Variants in MTMR9 observed in about 807,000 individuals in gnomAD.
MTMR9 encodes the protein myotubularin related protein 9, also known as myotubularin-related protein 9.
Under a neutral mutation model 69.5 loss-of-function variants are expected in MTMR9, and 39 were observed. The ratio of observed to expected loss-of-function variants is 0.56; its 90% CI spans 0.43 to 0.73. The LOEUF is 0.73. MTMR9 is among the 30% of genes least tolerant of loss of function. The probability of loss-of-function intolerance (pLI) is 0.00; values close to 1 mark genes in which losing one functional copy is unlikely to be tolerated. For synonymous variants in MTMR9, 354 were observed against 240.8 expected, an observed-to-expected ratio of 1.47 and a Z score of -4.35; for missense variants, 900 against 671.2, an observed-to-expected ratio of 1.34 and a Z score of -3.77.
At position 11,298,727 on chromosome 8, in the gene MTMR9, C is replaced by CG; in HGVS notation, c.292-1296_292-1295insG. On this transcript the variant is annotated intron_variant, in intron 2 of 9. Coordinates refer to ENST00000221086, the MANE Select transcript of MTMR9 (RefSeq NM_015458.4). ...GTATCCTTTCCCCGCTGCACCCCCC[C>CG]CCCGCCATCCAGTATAGAAATACTT... 7 of 920,464 alleles carry CG rather than the reference C, an allele frequency of 7.6e-6. No homozygotes were observed. The South Asian group carries it at 2.6e-4, about 34-fold the overall frequency. 57.0% of individuals were successfully genotyped at this position (920,464 alleles called of 1,614,324 possible).
chr8:11,334,565 ATAAAC>A, the MTMR9 span, among the ~76,000 whole-genome samples: 1 of 152,072 alleles, frequency 6.6e-6, no homozygotes, highest in Non-Finnish European at 1.5e-5. Context: ...CCAAAAATAA[ATAAAC>A]TAAGCACAAA....
chr8:11,285,032 G>A lies in MTMR9; in HGVS notation c.144G>A (p.Leu48=). 1 of 1,612,114 alleles carries A rather than the reference G, an allele frequency of 6.2e-7. No homozygotes were observed. Among genetic ancestry groups the A allele is most frequent in the African/African-American group, 1.3e-5 (1 of 74,950 alleles). Residue 48 remains leucine (L), a synonymous_variant, in exon 1 of 10, where the codon CTG becomes CTA. Transcript: ENST00000221086. ...CCCGGCAGGACAATACGGAGGAGCT[G>A]TGGCTCCTCCATTCAAACATCGACG... ...LSSRQDNTEE[L]WLLHSNIDAI...
chr8:11,332,738 A>G (rs1190817485), downstream of MTMR9, among the ~76,000 whole-genome samples: 1 of 152,114 alleles, frequency 6.6e-6, no homozygotes, highest in Non-Finnish European at 1.5e-5. Context: ...AGTAGCTGAG[A>G]TTACAGGTGC....
chr8:11,321,247 T>C (rs1044278793), intron 9 of MTMR9: 2 of 351,664 alleles, frequency 5.7e-6, no homozygotes, highest in Non-Finnish European at 1.1e-5. Flanking sequence ...AGTGCTTTGA[T>C]TTGTGAAGGG....
At chr8:11,321,176 C>G (rs932551311) in intron 9 of MTMR9, 6 of 270,076 alleles carry the variant, frequency 2.2e-5, no homozygotes, top group Admixed American at 4.4e-5. Flanking sequence ...TTGAAGTGTC[C>G]CCTAGTTAGC....
At chr8:11,307,551 A>G (rs1397863685) in intron 5 of MTMR9, among the ~76,000 whole-genome samples, 1 of 152,194 alleles carries the variant, frequency 6.6e-6, no homozygotes, top group Non-Finnish European at 1.5e-5. Context: ...CCGATATTCA[A>G]AATATTTACC....
Position 11,284,942 on chromosome 8 carries a change from C to G in MTMR9, c.54C>G (p.His18Gln), listed in dbSNP as rs771468577. The G allele has an allele frequency of 2.5e-6, 4 of 1,613,818 alleles. No homozygotes were observed. Among genetic ancestry groups the G allele is most frequent in the African/African-American group, 1.3e-5 (1 of 74,928 alleles). ...KTPRVDNVVLHRPFYPAVEGT... is the reference protein window; with the variant it reads ...KTPRVDNVVLQRPFYPAVEGT... Reference sequence around the variant, plus strand: ...CGCGGGTGGACAATGTGGTGCTGCACCGGCCTTTCTACCCGGCTGTCGAGG... The same window carrying G: ...CGCGGGTGGACAATGTGGTGCTGCAGCGGCCTTTCTACCCGGCTGTCGAGG... Residue 18 changes from histidine (H) to glutamine (Q), a missense_variant, in exon 1 of 10, where the codon CAC becomes CAG. Transcript: ENST00000221086.
In MTMR9 at chr8:11,309,638, C is replaced by A; in HGVS notation, c.921C>A (p.His307Gln). The change falls in exon 6 of 10, where the codon CAC becomes CAA. Residue 307 changes from histidine to glutamine, a missense_variant. By Grantham distance (24) the His-to-Gln change is conservative. Coordinates refer to ENST00000221086, the MANE Select transcript of MTMR9 (RefSeq NM_015458.4). ...SKLEASNWLT[H>Q]IKEILTTACL... ...TGGAGGCCTCTAACTGGCTGACTCA[C>A]ATCAAAGAGATTCTGACAACTGCCT... The A allele has an allele frequency of 1.2e-6, 2 of 1,613,996 alleles. No individual in the cohort carries two copies. The highest frequency in any genetic ancestry group is 2.7e-5 in the African/African-American group (2 of 75,048).
intron 3 of MTMR9, among the ~76,000 whole-genome samples, chr8:11,302,421 AT>A (rs577612803): frequency 1.0e-3 from 159 of 152,248 alleles, no homozygotes; most frequent in African/African-American, 3.7e-3. Flanking sequence ...TAATAAAAAA[AT>A]CTTTAGACAT....
the MTMR9 span, among the ~76,000 whole-genome samples, chr8:11,337,713 G>A: frequency 6.6e-6 from 1 of 152,228 alleles, no homozygotes; most frequent in African/African-American, 2.4e-5. Flanking sequence ...CATGATCCTT[G>A]AGAAAATAAA....
At chr8:11,311,727 G>T (rs540093151) in intron 6 of MTMR9, among the ~76,000 whole-genome samples, 2 of 152,120 alleles carry the variant, frequency 1.3e-5, no homozygotes, top group Non-Finnish European at 1.5e-5. Flanking sequence ...GAAGATTGCC[G>T]CATCAATTGA....
intron 2 of MTMR9, 94 bp downstream of exon 2, chr8:11,295,396 T>G (rs1224669963): frequency 5.1e-6 from 4 of 785,382 alleles, no homozygotes; most frequent in Non-Finnish European, 6.5e-6. Flanking sequence ...TTTAGTCATG[T>G]TCTCTGACTC....
chr8:11,299,393 A>G (rs1413035439), intron 2 of MTMR9, among the ~76,000 whole-genome samples: 1 of 152,166 alleles, frequency 6.6e-6, no homozygotes, highest in Non-Finnish European at 1.5e-5. Context: ...TTTTACACAC[A>G]TTATCTCTCT....
chr8:11,319,975 G>T, intron 9 of MTMR9, 137 bp downstream of exon 9: 1 of 747,178 alleles, frequency 1.3e-6, no homozygotes. Flanking sequence ...CATTCTCAGT[G>T]TGGGCATGTT....
At chr8:11,310,357 C>T (rs1800148050) in intron 6 of MTMR9, among the ~76,000 whole-genome samples, 1 of 152,092 alleles carries the variant, frequency 6.6e-6, no homozygotes, top group Non-Finnish European at 1.5e-5. Flanking sequence ...AAGGGGATTC[C>T]ACTGAAACAG....
At chr8:11,307,314 C>A (rs1799976785) in intron 5 of MTMR9, among the ~76,000 whole-genome samples, 1 of 152,166 alleles carries the variant, frequency 6.6e-6, no homozygotes, top group South Asian at 2.1e-4. Context: ...TCAAGTGATC[C>A]TCCTGCCTCG....
At chr8:11,312,451 A>G (rs991071282) in intron 6 of MTMR9, among the ~76,000 whole-genome samples, 5 of 152,148 alleles carry the variant, frequency 3.3e-5, no homozygotes, top group South Asian at 4.1e-4. Flanking sequence ...GCTTCAAGCA[A>G]TCCTCCTGCC....
chr8:11,334,665 A>C, the MTMR9 span, among the ~76,000 whole-genome samples: 11 of 152,314 alleles, frequency 7.2e-5, no homozygotes, highest in Non-Finnish European at 1.6e-4. Context: ...AGTCCTTATC[A>C]GTGATTACAT....
the MTMR9 span, among the ~76,000 whole-genome samples, chr8:11,339,034 TTGTG>T: frequency 1.3e-5 from 2 of 152,196 alleles, no homozygotes; most frequent in African/African-American, 4.8e-5. Context: ...TTATAGGACA[TTGTG>T]TGCCCCCTGT....
Sources: allele counts gnomAD v4.1 joint callset (sites outside exome capture counted in the v4.1 genomes callset), GRCh38; gene constraint gnomAD v4.1.1; transcripts MANE v1.5; gene names NCBI Gene and HGNC (gene_info 2026-07-23, HGNC 2026-07-21).